AGBL5: variants seen among roughly 807,000 people sequenced by gnomAD.
AGBL5 encodes AGBL carboxypeptidase 5.
Under a neutral mutation model 88.0 loss-of-function variants are expected in AGBL5, and 51 were observed. The ratio of observed to expected loss-of-function variants is 0.58; its 90% CI spans 0.46 to 0.73. The LOEUF (loss-of-function observed/expected upper bound fraction) is 0.73, where lower values mean the gene tolerates loss of function less well. AGBL5 is among the 30% of genes least tolerant of loss of function. The pLI, the probability that AGBL5 is intolerant of heterozygous loss-of-function variation, is 0.00. For missense variants in AGBL5, 1,031 were observed against 1,162.2 expected (o/e 0.89, Z 1.64); for synonymous variants, 446 against 438.8 (o/e 1.02, Z -0.21).
chr2:27,056,393 G>A (rs544038720), intron 7 of AGBL5: 23 of 599,964 alleles, frequency 3.8e-5, no homozygotes, highest in South Asian at 2.2e-4. Context: ...TCCAGAGAAG[G>A]AAAATTTTGC....
At chr2:27,066,281 G>A (rs1004888824) in intron 11 of AGBL5, among the ~76,000 whole-genome samples, 5 of 150,078 alleles carry the variant, frequency 3.3e-5, no homozygotes, top group African/African-American at 9.8e-5. Context: ...AGATAGAATT[G>A]TAGGATTTGA....
At chr2:27,054,828 G>A (rs1480360466) in intron 5 of AGBL5, 21 bp downstream of exon 5, 3 of 1,604,134 alleles carry the variant, frequency 1.9e-6, no homozygotes, top group Non-Finnish European at 1.7e-6. Flanking sequence ...ATAGCATAAA[G>A]GTAGTTCTTT....
intron 11 of AGBL5, among the ~76,000 whole-genome samples, chr2:27,062,160 G>A (rs1258751961): frequency 1.2e-4 from 12 of 101,546 alleles, no homozygotes; most frequent in Non-Finnish European, 2.2e-4. Context: ...TTTCACTCTT[G>A]TTGCCCAGGC....
At position 27,053,849 on chromosome 2, in the gene AGBL5, T is replaced by C. The variant is rs1466747685; in HGVS notation, c.388-47T>C. On this transcript the variant is annotated intron_variant, in intron 3 of 14. Transcript: ENST00000360131. The surrounding 1 kb of genome is among the most constrained non-coding windows in gnomAD (Gnocchi z 4.9). Reference sequence around the variant, plus strand: ...CTGGTGGTCCCAGTAGGAGCTCAGTTCTGACAATGGCATGTTGCCCCTCCC... The same window carrying C: ...CTGGTGGTCCCAGTAGGAGCTCAGTCCTGACAATGGCATGTTGCCCCTCCC... 1 of 1,578,288 alleles carries C rather than the reference T, an allele frequency of 6.3e-7. No individual in the cohort carries two copies. The highest frequency in any genetic ancestry group is 8.6e-7 in the Non-Finnish European group (1 of 1,158,540).
At chr2:27,068,774 C>T (rs1352327106) in intron 13 of AGBL5, 30 bp downstream of exon 13, 6 of 1,612,178 alleles carry the variant, frequency 3.7e-6, no homozygotes, top group Non-Finnish European at 4.2e-6. Context: ...AGCATAGCTA[C>T]TCTGGCAGAA....
At chr2:27,061,383 A>G (rs548290057) in intron 11 of AGBL5, among the ~76,000 whole-genome samples, 9 of 151,966 alleles carry the variant, frequency 5.9e-5, no homozygotes, top group Non-Finnish European at 1.3e-4. Flanking sequence ...ACTACAGGCA[A>G]ACGCCACCAC....
upstream of AGBL5, among the ~76,000 whole-genome samples, chr2:27,050,505 C>T (rs1346690424): frequency 5.9e-5 from 9 of 152,226 alleles, no homozygotes; most frequent in African/African-American, 1.9e-4. Context: ...GCGGGCTCGG[C>T]GTTCGCGGTC....
chr2:27,057,571 T>C (rs1212729862), intron 9 of AGBL5, 133 bp downstream of exon 9: 3 of 1,112,156 alleles, frequency 2.7e-6, no homozygotes, highest in African/African-American at 3.2e-5. Context: ...TATGATTATT[T>C]TCCTCAGTTA....
At chr2:27,059,523 GT>G in intron 11 of AGBL5, 119 bp downstream of exon 11, 1 of 1,541,332 alleles carries the variant, frequency 6.5e-7, no homozygotes, top group Non-Finnish European at 8.7e-7. Flanking sequence ...AATAAAATTA[GT>G]TTGTAGCAGA....
intron 1 of AGBL5, chr2:27,052,226 TG>T (rs1668193439): frequency 6.6e-6 from 1 of 152,552 alleles, no homozygotes; most frequent in Middle Eastern, 3.4e-3. Context: ...CGGAGGGGGA[TG>T]GAAACAGACC....
intron 1 of AGBL5, 31 bp from the exon 2 acceptor site, chr2:27,052,882 C>A: frequency 7.5e-7 from 1 of 1,324,854 alleles, no homozygotes; most frequent in Non-Finnish European, 1.0e-6. Context: ...TCTTCCCTTT[C>A]CTCCTTAACC....
chr2:27,054,240 C>G, intron 4 of AGBL5, 181 bp downstream of exon 4: 1 of 693,916 alleles, frequency 1.4e-6, no homozygotes, highest in Non-Finnish European at 2.3e-6. Flanking sequence ...CTGATCTCAG[C>G]ATATCGACAC....
At chr2:27,050,524 A>T (rs1276678218), upstream of AGBL5, among the ~76,000 whole-genome samples, 1 of 152,170 alleles carries the variant, frequency 6.6e-6, no homozygotes, top group African/African-American at 2.4e-5. Context: ...TCCAGGAGAA[A>T]CCACCGCGGG....
upstream of AGBL5, among the ~76,000 whole-genome samples, chr2:27,050,822 A>AT (rs540758355): frequency 1.1e-3 from 167 of 152,296 alleles, 2 homozygotes; most frequent in Non-Finnish European, 1.7e-3. Flanking sequence ...ACTGTAGTGG[A>AT]TAGGGCGTGG....
Position 27,057,440 on chromosome 2 carries a change from T to C in AGBL5, c.1671+2T>C, listed in dbSNP as rs766215295. 6.2e-7 allele frequency: 1 copy of C among 1,603,262 alleles called. No homozygotes were observed. Among genetic ancestry groups the C allele is most frequent in the Non-Finnish European group, 8.5e-7 (1 of 1,173,314 alleles). ...TACACTGTGGAACTATTTGAGCAGGTATGAATACATGGTGTAAGTGGGAAA... is the reference window on the plus strand; with the variant it reads ...TACACTGTGGAACTATTTGAGCAGGCATGAATACATGGTGTAAGTGGGAAA... On this transcript the variant is annotated splice_donor_variant, in intron 9 of 14. Coordinates refer to ENST00000360131, the MANE Select transcript of AGBL5 (RefSeq NM_021831.6). LOFTEE classifies it high-confidence loss of function.
chr2:27,069,467 G>C, intron 13 of AGBL5, 106 bp from the exon 14 acceptor site: 1 of 1,533,720 alleles, frequency 6.5e-7, no homozygotes, highest in South Asian at 1.3e-5. Context: ...TACCTCTACT[G>C]ATCCCTATAC....
At chr2:27,069,084 G>A (rs931950040) in intron 13 of AGBL5, 27 of 1,347,938 alleles carry the variant, frequency 2.0e-5, no homozygotes, top group African/African-American at 2.9e-5. Flanking sequence ...GAGGGGTCCC[G>A]GATTCCCCAG....
At position 27,053,837 on chromosome 2, in the gene AGBL5, T is replaced by G; in HGVS notation, c.388-59T>G. On this transcript the variant is annotated intron_variant, in intron 3 of 14. Transcript: ENST00000360131. This position sits in a 1 kb window ranked among gnomAD's most constrained non-coding sequence, Gnocchi z 4.9. ...TGAGGTCAGTTCCTGGTGGTCCCAG[T>G]AGGAGCTCAGTTCTGACAATGGCAT... is the stretch of plus-strand genomic sequence containing the variant. The G allele has an allele frequency of 6.4e-7, 1 of 1,558,802 alleles. No individual in the cohort carries two copies. The highest frequency in any genetic ancestry group is 8.7e-7 in the Non-Finnish European group (1 of 1,148,068).
Position 27,067,529 on chromosome 2 carries a change from C to T in AGBL5, c.2125C>T (p.Pro709Ser). ...CCAGGACAGGAGACGGCAGCAGCAG[C>T]CCCTGAACCATCGTCCTGCAGGCAG... ...RSQDRRRQQQPLNHRPAGSLA... is the reference protein window; with the variant it reads ...RSQDRRRQQQSLNHRPAGSLA... The change falls in exon 12 of 15, where the codon CCC becomes TCC. Residue 709 changes from proline to serine, a missense_variant. Transcript: ENST00000360131. 1.2e-6 allele frequency: 2 copies of T among 1,614,132 alleles called. No homozygotes were observed. The highest frequency in any genetic ancestry group is 1.7e-6 in the Non-Finnish European group (2 of 1,180,024).
Sources: allele counts gnomAD v4.1 joint callset (sites outside exome capture counted in the v4.1 genomes callset), GRCh38; gene constraint gnomAD v4.1.1; non-coding constraint Gnocchi (gnomAD v3.1); transcripts MANE v1.5; gene names NCBI Gene and HGNC (gene_info 2026-07-23, HGNC 2026-07-21).